Variants in CDK14 observed in about 807,000 individuals in gnomAD.
CDK14 encodes cyclin dependent kinase 14, also known as cyclin-dependent kinase 14.
CDK14 carries 34 observed loss-of-function variants against 60.7 expected under a neutral mutation model. The ratio of observed to expected loss-of-function variants is 0.56; its 90% CI spans 0.43 to 0.75. CDK14 has a LOEUF of 0.75. Ranked by LOEUF, CDK14 falls within the 30% of genes least tolerant of loss-of-function variation. CDK14 has a pLI of 0.00. For missense variants in CDK14, 482 were observed against 564.1 expected, an observed-to-expected ratio of 0.85 and a Z score of 1.47; for synonymous variants, 197 against 203.7, an observed-to-expected ratio of 0.97 and a Z score of 0.28.
At chr7:90,723,636 C>T (rs187393741) in intron 2 of CDK14, among the ~76,000 whole-genome samples, 19 of 152,296 alleles carry the variant, frequency 1.2e-4, no homozygotes, top group African/African-American at 4.6e-4. Context: ...ATGCAGCCCA[C>T]ACTCAAGAGC....
chr7:90,616,414 C>G (rs1212556732), intron 2 of CDK14, among the ~76,000 whole-genome samples: 3 of 152,112 alleles, frequency 2.0e-5, no homozygotes, highest in Non-Finnish European at 2.9e-5. Context: ...ATATAGCTCT[C>G]TTTGTATTGT....
intron 9 of CDK14, among the ~76,000 whole-genome samples, chr7:90,969,265 C>T (rs1192012462): frequency 6.6e-6 from 1 of 152,148 alleles, no homozygotes; most frequent in Non-Finnish European, 1.5e-5. Context: ...TTTCAGCATT[C>T]TTACCCATAG....
chr7:91,040,254 G>A (rs1280413976), intron 10 of CDK14, among the ~76,000 whole-genome samples: 1 of 152,126 alleles, frequency 6.6e-6, no homozygotes, highest in African/African-American at 2.4e-5. Flanking sequence ...TTTTCCAGGT[G>A]GAGAGTGCAC....
chr7:90,642,742 C>A (rs902333540), intron 2 of CDK14, among the ~76,000 whole-genome samples: 5 of 152,012 alleles, frequency 3.3e-5, no homozygotes, highest in African/African-American at 1.2e-4. Context: ...AAGGGTTGAA[C>A]CAATTTTTCT....
At chr7:90,876,895 G>C (rs1791581715) in intron 6 of CDK14, among the ~76,000 whole-genome samples, 2 of 152,190 alleles carry the variant, frequency 1.3e-5, no homozygotes, top group Non-Finnish European at 2.9e-5. Context: ...ATATGACAAG[G>C]CTAGTGGGAG....
intron 14 of CDK14, among the ~76,000 whole-genome samples, chr7:91,142,788 A>G (rs1355011714): frequency 6.6e-6 from 1 of 152,238 alleles, no homozygotes; most frequent in Non-Finnish European, 1.5e-5. Flanking sequence ...GAACAAAAGG[A>G]AAAGACTGTA....
intron 5 of CDK14, among the ~76,000 whole-genome samples, chr7:90,819,996 T>A (rs1225320729): frequency 6.6e-6 from 1 of 152,206 alleles, no homozygotes; most frequent in Non-Finnish European, 1.5e-5. Flanking sequence ...AACAACTGTC[T>A]CTTTCTGTAG....
At chr7:90,709,953 A>G (rs1381980689) in intron 2 of CDK14, 1 of 1,102,588 alleles carries the variant, frequency 9.1e-7, no homozygotes, top group Admixed American at 5.1e-5. Flanking sequence ...GACAACAGCA[A>G]AACGGTAAGA....
intron 14 of CDK14, among the ~76,000 whole-genome samples, chr7:91,173,967 G>GGCCT (rs1261494739): frequency 6.6e-6 from 1 of 152,222 alleles, no homozygotes; most frequent in Non-Finnish European, 1.5e-5. Flanking sequence ...AGCTCAAGGA[G>GGCCT]GCCTGCCTGC....
intron 6 of CDK14, among the ~76,000 whole-genome samples, chr7:90,883,980 C>A (rs79471160): frequency 6.6e-6 from 1 of 152,268 alleles, no homozygotes; most frequent in African/African-American, 2.4e-5. Context: ...CAGCCAATAT[C>A]ATATTGAATG....
intron 14 of CDK14, among the ~76,000 whole-genome samples, chr7:91,174,651 G>A (rs1068295): frequency 0.4 from 49,785 of 123,474 alleles, 10,949 homozygotes; most frequent in Non-Finnish European, 0.48. Flanking sequence ...CGAGAACTAC[G>A]TGAAGAATGC....
intron 3 of CDK14, among the ~76,000 whole-genome samples, chr7:90,745,320 A>G (rs948908505): frequency 6.6e-6 from 1 of 152,182 alleles, no homozygotes; most frequent in Non-Finnish European, 1.5e-5. Context: ...CGTCTTGAGT[A>G]TAGTATTAAT....
At chr7:90,811,666 C>G (rs1179470874) in intron 5 of CDK14, among the ~76,000 whole-genome samples, 1 of 151,704 alleles carries the variant, frequency 6.6e-6, no homozygotes, top group Non-Finnish European at 1.5e-5. Context: ...AAACTATCAT[C>G]AGAGTGAACA....
intron 10 of CDK14, among the ~76,000 whole-genome samples, chr7:91,029,603 C>G (rs1277695171): frequency 6.7e-6 from 1 of 149,930 alleles, no homozygotes; most frequent in Non-Finnish European, 1.5e-5. Flanking sequence ...CCTCTCCTCT[C>G]CTCTCCTCCG....
At chr7:91,154,648 C>A in intron 14 of CDK14, among the ~76,000 whole-genome samples, 1 of 152,096 alleles carries the variant, frequency 6.6e-6, no homozygotes, top group East Asian at 1.9e-4. Context: ...TCACCTCGGT[C>A]AAATAACTTA....
chr7:90,809,812 C>T (rs1015976963), intron 5 of CDK14, among the ~76,000 whole-genome samples: 1 of 152,180 alleles, frequency 6.6e-6, no homozygotes, highest in Non-Finnish European at 1.5e-5. Flanking sequence ...CACAGAAATG[C>T]AGACTACCAT....
chr7:90,966,790 AC>A (rs1280598568), intron 9 of CDK14, among the ~76,000 whole-genome samples: 2 of 152,038 alleles, frequency 1.3e-5, no homozygotes, highest in African/African-American at 4.8e-5. Flanking sequence ...CACACTTTTT[AC>A]ATCCTGAACT....
chr7:90,973,219 T>C (rs776817145), intron 9 of CDK14, among the ~76,000 whole-genome samples: 32 of 152,114 alleles, frequency 2.1e-4, no homozygotes, highest in Non-Finnish European at 3.4e-4. Context: ...TTTTCTAAAC[T>C]TGAGAAGAGG....
intron 4 of CDK14, among the ~76,000 whole-genome samples, chr7:90,757,444 C>A (rs1042791538): frequency 2.6e-5 from 4 of 152,088 alleles, no homozygotes; most frequent in African/African-American, 4.8e-5. Flanking sequence ...ATAACACTTA[C>A]TAGTGTCAAA....
Sources: allele counts gnomAD v4.1 joint callset (sites outside exome capture counted in the v4.1 genomes callset), GRCh38; gene constraint gnomAD v4.1.1; transcripts MANE v1.5; gene names NCBI Gene and HGNC (gene_info 2026-07-23, HGNC 2026-07-21).